Variants in ANK2 observed in about 807,000 individuals in gnomAD.
ANK2 encodes ankyrin-2.
Under a neutral mutation model 360.5 loss-of-function variants are expected in ANK2, and 83 were observed. The observed-to-expected ratio is 0.23, with a 90% CI of 0.19 to 0.28. ANK2 has a LOEUF of 0.28. ANK2 is among the 10% of genes least tolerant of loss of function. The pLI, the probability that ANK2 is intolerant of heterozygous loss-of-function variation, is 1.00. For missense variants in ANK2, 4,201 were observed against 4,795.7 expected (o/e 0.88, Z 3.66); for synonymous variants, 1,740 against 1,759.5 (o/e 0.99, Z 0.28).
intron 1 of ANK2, among the ~76,000 whole-genome samples, chr4:112,823,957 G>A (rs2057792940): frequency 1.3e-5 from 2 of 152,102 alleles, no homozygotes; most frequent in South Asian, 4.2e-4. Context: ...AGTTATAGAT[G>A]GATTTTTCTG....
At chr4:112,725,111 C>A in the ANK2 span, among the ~76,000 whole-genome samples, 2 of 151,760 alleles carry the variant, frequency 1.3e-5, no homozygotes, top group Non-Finnish European at 2.9e-5. Context: ...GAAACCCTGT[C>A]TCTACTAAAA....
intron 2 of ANK2, among the ~76,000 whole-genome samples, chr4:112,921,452 A>G: frequency 7.4e-6 from 1 of 135,808 alleles, no homozygotes; most frequent in African/African-American, 2.8e-5. Flanking sequence ...GAGGATTGTG[A>G]GGTACTATTC....
rs1580600336 is a variant in ANK2, at chr4:112,890,080, G to A, written c.-39-14375G>A. Among the ~76,000 whole-genome samples, 4 of 152,292 alleles carry A rather than the reference G, an allele frequency of 2.6e-5. No individual in the cohort carries two copies. In the East Asian group the frequency reaches 7.7e-4, roughly 29 times the overall value. On this transcript the variant is annotated intron_variant, in intron 1 of 30. Transcript: ENST00000503271. ...TGAAGTAAACAATTAAACAGGCTTA[G>A]GGAATGTGAAACTAATAATGTTGGG...
intron 2 of ANK2, among the ~76,000 whole-genome samples, chr4:112,904,943 A>G (rs2084700431): frequency 6.6e-6 from 1 of 152,198 alleles, no homozygotes; most frequent in African/African-American, 2.4e-5. Context: ...AAGGTTGTCA[A>G]TAAAGTTATT....
At chr4:113,164,413 A>C (rs1246877727) in intron 1 of ANK2, among the ~76,000 whole-genome samples, 1 of 152,224 alleles carries the variant, frequency 6.6e-6, no homozygotes, top group Non-Finnish European at 1.5e-5. Context: ...GTAATTGTGA[A>C]GTTTTAAGAA....
At chr4:113,135,530 T>G (rs376064830) in intron 1 of ANK2, among the ~76,000 whole-genome samples, 38 of 151,840 alleles carry the variant, frequency 2.5e-4, no homozygotes, top group African/African-American at 8.2e-4. Context: ...TCTCTGTGTG[T>G]GTGTGTGTGT....
chr4:112,881,652 C>G, intron 1 of ANK2: 1 of 430,576 alleles, frequency 2.3e-6, no homozygotes, highest in South Asian at 3.7e-5. Context: ...TTTACACTTT[C>G]CACAGAACAG....
chr4:113,021,541 C>T (rs868020132), intron 2 of ANK2, among the ~76,000 whole-genome samples: 4 of 95,568 alleles, frequency 4.2e-5, no homozygotes, highest in African/African-American at 1.1e-4. Flanking sequence ...CACACACAAA[C>T]ATATATATAT....
chr4:113,229,208 G>A (rs2099262151), intron 4 of ANK2, among the ~76,000 whole-genome samples: 1 of 152,126 alleles, frequency 6.6e-6, no homozygotes, highest in Non-Finnish European at 1.5e-5. Flanking sequence ...TTTTAGTATT[G>A]GAAATTAGTC....
intron 2 of ANK2, among the ~76,000 whole-genome samples, chr4:112,985,298 A>G (rs1578366983): frequency 1.3e-5 from 2 of 152,370 alleles, no homozygotes; most frequent in East Asian, 3.9e-4. Flanking sequence ...AAAGATTTGC[A>G]TTACAATTAA....
chr4:112,985,269 T>C (rs896064986), intron 2 of ANK2, among the ~76,000 whole-genome samples: 64 of 152,168 alleles, frequency 4.2e-4, no homozygotes, highest in African/African-American at 1.5e-3. Flanking sequence ...AAACTTGTCG[T>C]GTTTGTTTTT....
chr4:112,859,999 G>T (rs1429258556), intron 1 of ANK2, among the ~76,000 whole-genome samples: 1 of 152,152 alleles, frequency 6.6e-6, no homozygotes, highest in Non-Finnish European at 1.5e-5. Flanking sequence ...GGGTGTTGTT[G>T]CGTCAATTGG....
intron 2 of ANK2, among the ~76,000 whole-genome samples, chr4:113,023,732 C>G (rs1212506077): frequency 6.6e-6 from 1 of 152,156 alleles, no homozygotes; most frequent in Non-Finnish European, 1.5e-5. Context: ...ACAGCGGGGT[C>G]TTTGTTTTGT....
the ANK2 span, among the ~76,000 whole-genome samples, chr4:112,751,550 G>A: frequency 6.6e-6 from 1 of 152,058 alleles, no homozygotes; most frequent in Non-Finnish European, 1.5e-5. Context: ...AGGGAAAACT[G>A]TGTGGAGGAG....
chr4:112,964,370 G>C (rs959754458), intron 2 of ANK2, among the ~76,000 whole-genome samples: 1 of 147,454 alleles, frequency 6.8e-6, no homozygotes, highest in Non-Finnish European at 1.5e-5. Flanking sequence ...TCTACTCTCT[G>C]TCTCCATGAG....
chr4:113,057,726 C>T (rs752390697), intron 1 of ANK2, among the ~76,000 whole-genome samples: 30 of 152,042 alleles, frequency 2.0e-4, no homozygotes, highest in Non-Finnish European at 4.0e-4. Context: ...ACAAGACATT[C>T]GAATCTAGTA....
At chr4:112,736,230 A>C in the ANK2 span, among the ~76,000 whole-genome samples, 1 of 152,276 alleles carries the variant, frequency 6.6e-6, no homozygotes, top group African/African-American at 2.4e-5. Context: ...TGGGAGGCCT[A>C]GACGGGCAGA....
rs1245752886 is a variant in ANK2 at position 113,369,727 on chromosome 4, C to T, written c.11532C>T (p.Thr3844=). Residue 3844 remains threonine, a synonymous_variant, in exon 43 of 46, where the codon ACC becomes ACT. Coordinates refer to ENST00000357077, the MANE Select transcript of ANK2 (RefSeq NM_001148.6). ...EHREESSPRK[T]SLVIVESADN... ...GAGAGGAGAGCTCTCCGCGGAAAAC[C>T]AGCCTCGTAATAGTGGAGTCTGCCG... 1 of 1,614,010 alleles carries T rather than the reference C, an allele frequency of 6.2e-7. No individual in the cohort carries two copies. The highest frequency in any genetic ancestry group is 8.5e-7 in the Non-Finnish European group (1 of 1,180,038).
chr4:113,380,768 T>A (rs6853358), intron 45 of ANK2, among the ~76,000 whole-genome samples: 24,926 of 152,184 alleles, frequency 0.16, 2,392 homozygotes, highest in African/African-American at 0.25. Context: ...ATGAGCAACA[T>A]ATGTGAGGCT....
Sources: allele counts gnomAD v4.1 joint callset (sites outside exome capture counted in the v4.1 genomes callset), GRCh38; gene constraint gnomAD v4.1.1; transcripts MANE v1.5; gene names NCBI Gene and HGNC (gene_info 2026-07-23, HGNC 2026-07-21).